Variants in SOX6 observed in about 807,000 individuals in gnomAD.
The protein encoded by SOX6 is transcription factor SOX-6.
A neutral mutation model predicts 97.8 loss-of-function variants in SOX6; 11 were observed. The observed-to-expected ratio is 0.11, with a 90% CI of 0.07 to 0.19. The LOEUF (loss-of-function observed/expected upper bound fraction) is 0.19, where lower values mean the gene tolerates loss of function less well. Among genes scored for constraint, SOX6 ranks in the 10% least tolerant of loss-of-function variants. SOX6 has a pLI of 1.00. For synonymous variants in SOX6, 360 were observed against 371.4 expected, an observed-to-expected ratio of 0.97 and a Z score of 0.35; for missense variants, 810 against 1,039.5, an observed-to-expected ratio of 0.78 and a Z score of 3.04.
chr11:16,505,763 C>T (rs1223884875), intron 4 of SOX6, among the ~76,000 whole-genome samples: 1 of 152,180 alleles, frequency 6.6e-6, no homozygotes, highest in Admixed American at 6.5e-5. Context: ...GACATGGCAT[C>T]CCAGCTGCCC....
chr11:16,561,556 C>A (rs1847814512), intron 4 of SOX6, among the ~76,000 whole-genome samples: 1 of 152,046 alleles, frequency 6.6e-6, no homozygotes, highest in Admixed American at 6.6e-5. Flanking sequence ...CTGACTAGAA[C>A]AATAGGTATT....
At chr11:16,248,899 A>T (rs1200224722) in intron 3 of SOX6, among the ~76,000 whole-genome samples, 1 of 151,990 alleles carries the variant, frequency 6.6e-6, no homozygotes, top group Non-Finnish European at 1.5e-5. Context: ...AGATTGAGAC[A>T]ATCCTGGCTA....
intron 1 of SOX6, among the ~76,000 whole-genome samples, chr11:16,435,841 T>G (rs964611667): frequency 3.3e-5 from 5 of 152,078 alleles, no homozygotes; most frequent in South Asian, 2.1e-4. Context: ...CTGGTTGCTT[T>G]CCCACTGTTT....
chr11:16,590,210 C>T (rs887265758), intron 4 of SOX6, among the ~76,000 whole-genome samples: 3 of 152,100 alleles, frequency 2.0e-5, no homozygotes, highest in Non-Finnish European at 2.9e-5. Context: ...TCAGGTAGGA[C>T]GCTTGCTTTT....
At chr11:16,367,342 A>G (rs554601569) in intron 1 of SOX6, among the ~76,000 whole-genome samples, 3 of 152,280 alleles carry the variant, frequency 2.0e-5, no homozygotes, top group South Asian at 2.1e-4. Flanking sequence ...GGAAAGAACA[A>G]TGTTCCAAAT....
intron 4 of SOX6, among the ~76,000 whole-genome samples, chr11:16,512,583 A>G (rs544443258): frequency 6.6e-6 from 1 of 152,296 alleles, no homozygotes; most frequent in Non-Finnish European, 1.5e-5. Flanking sequence ...ATATATCTGT[A>G]TTATTTCTTC....
intron 4 of SOX6, among the ~76,000 whole-genome samples, chr11:16,608,646 T>A (rs1590005638): frequency 6.6e-6 from 1 of 151,426 alleles, no homozygotes; most frequent in East Asian, 1.9e-4. Flanking sequence ...TCCTAACATA[T>A]GTAGGTGGCA....
At chr11:16,606,803 T>G in intron 4 of SOX6, among the ~76,000 whole-genome samples, 1 of 152,044 alleles carries the variant, frequency 6.6e-6, no homozygotes, top group Non-Finnish European at 1.5e-5. Context: ...ACAACATGTG[T>G]TTTCTCAGGG....
At chr11:16,277,871 T>C (rs1854443992) in intron 3 of SOX6, among the ~76,000 whole-genome samples, 1 of 152,244 alleles carries the variant, frequency 6.6e-6, no homozygotes, top group Admixed American at 6.5e-5. Context: ...GTTCTGCCTA[T>C]TATTAACTTT....
At chr11:16,086,272 TC>T (rs776503060) in intron 9 of SOX6, among the ~76,000 whole-genome samples, 2 of 152,216 alleles carry the variant, frequency 1.3e-5, no homozygotes, top group Non-Finnish European at 2.9e-5. Flanking sequence ...GTCTTGTCTC[TC>T]TGAACATGAC....
intron 3 of SOX6, among the ~76,000 whole-genome samples, chr11:16,624,766 C>A (rs1848599199): frequency 6.6e-6 from 1 of 152,126 alleles, no homozygotes; most frequent in Admixed American, 6.5e-5. Context: ...TTTCAATTGC[C>A]TCGCATTTTA....
chr11:16,433,533 C>G (rs1402083411), intron 1 of SOX6, among the ~76,000 whole-genome samples: 2 of 152,090 alleles, frequency 1.3e-5, no homozygotes, highest in African/African-American at 4.8e-5. Flanking sequence ...GGATCATCCA[C>G]TTGCCACTTA....
rs551974699 is a variant in SOX6 at position 16,619,746 on chromosome 11, T to C, written n.430-7486A>G. 2.0e-5 allele frequency among the ~76,000 whole-genome samples: 3 copies of C among 152,172 alleles called. No homozygotes were observed. The South Asian group carries it at 6.2e-4, about 32-fold the overall frequency. ...AAAAATTTCTGAATATACTAACACATTTACATTTCAAAACTAAAATTTCAT... is the reference window on the plus strand; with the variant it reads ...AAAAATTTCTGAATATACTAACACACTTACATTTCAAAACTAAAATTTCAT... On this transcript the variant is annotated intron_variant and non_coding_transcript_variant, in intron 3 of 5. Transcript: ENST00000524520.
chr11:16,698,170 C>T (rs973164821), intron 3 of SOX6, among the ~76,000 whole-genome samples: 32 of 152,194 alleles, frequency 2.1e-4, no homozygotes, highest in Non-Finnish European at 4.1e-4. Context: ...AAGGCTATTT[C>T]ATTTACAGTG....
intron 2 of SOX6, among the ~76,000 whole-genome samples, chr11:16,731,589 T>C (rs1028738715): frequency 2.0e-5 from 3 of 152,156 alleles, no homozygotes; most frequent in African/African-American, 4.8e-5. Context: ...ATTGATGGAA[T>C]GTATCTCAAA....
intron 3 of SOX6, among the ~76,000 whole-genome samples, chr11:16,692,082 TGTGTGTGC>T (rs1848018502): frequency 1.6e-5 from 2 of 127,746 alleles, no homozygotes; most frequent in Non-Finnish European, 3.5e-5. Flanking sequence ...TGTGTGTGTG[TGTGTGTGC>T]GCGCGCGCGC....
intron 3 of SOX6, among the ~76,000 whole-genome samples, chr11:16,678,251 A>G (rs1847899234): frequency 6.6e-6 from 1 of 152,064 alleles, no homozygotes; most frequent in Non-Finnish European, 1.5e-5. Flanking sequence ...GATGGATTTG[A>G]GAGTTTTCTT....
At chr11:15,992,764 G>A (rs547707340) in intron 13 of SOX6, among the ~76,000 whole-genome samples, 85 of 152,168 alleles carry the variant, frequency 5.6e-4, no homozygotes, top group Non-Finnish European at 9.1e-4. Flanking sequence ...CTGTCTTTTC[G>A]AAGTGACTAT....
chr11:16,429,576 G>T (rs1012620857), intron 1 of SOX6, among the ~76,000 whole-genome samples: 1 of 152,022 alleles, frequency 6.6e-6, no homozygotes, highest in Non-Finnish European at 1.5e-5. Context: ...TAAAGCAGGA[G>T]CAGAAAACCA....
Sources: gnomAD v4.1 joint callset for allele counts (sites outside exome capture counted in the v4.1 genomes callset) on GRCh38, gnomAD v4.1.1 for gene constraint, MANE v1.5 for transcripts, NCBI Gene and HGNC (gene_info 2026-07-23, HGNC 2026-07-21) for gene names.